Variants in SNRNP200 observed in about 807,000 individuals in gnomAD.
SNRNP200 encodes the protein U5 small nuclear ribonucleoprotein 200 kDa helicase.
In SNRNP200, 66 loss-of-function variants were observed where a neutral mutation model predicts 255.2. That is an observed-to-expected ratio of 0.26 (90% CI 0.21 to 0.32). The LOEUF is 0.32. SNRNP200 is among the 10% of genes least tolerant of loss of function. The pLI, the probability that SNRNP200 is intolerant of heterozygous loss-of-function variation, is 1.00. For synonymous variants in SNRNP200, 939 were observed against 1,027.8 expected (o/e 0.91, Z 1.65); for missense variants, 1,585 against 2,749.8 (o/e 0.58, Z 9.47).
rs767996462 is a variant in SNRNP200 at position 96,287,967 on chromosome 2, C to T, written c.3261G>A (p.Ser1087=). 9 of 1,614,134 alleles carry T rather than the reference C, an allele frequency of 5.6e-6. No individual in the cohort carries two copies. Among genetic ancestry groups the T allele is most frequent in the South Asian group, 2.2e-5 (2 of 91,078 alleles). ...ATATCGCTCGCATCAACCGGCCAGC[C>T]GACTAAGCAAAGAAGCAGCATTCCC... ...LMADMVYVTQ[S]AGRLMRAIFE... is the part of the protein sequence containing the mutation. The change falls in exon 25 of 45, where the codon TCG becomes TCA. Residue 1087 remains serine, a splice_region_variant and synonymous_variant. Transcript: ENST00000323853. The surrounding 1 kb of genome is among the most constrained non-coding windows in gnomAD (Gnocchi z 5.7).
At chr2:96,296,719 C>G in intron 12 of SNRNP200, 28 bp from the exon 13 acceptor site, 1 of 1,613,424 alleles carries the variant, frequency 6.2e-7, no homozygotes, top group Non-Finnish European at 8.5e-7. Flanking sequence ...GATGAGAACG[C>G]CTATTCACCT....
intron 14 of SNRNP200, among the ~76,000 whole-genome samples, chr2:96,294,362 C>A (rs559956097): frequency 5.9e-5 from 9 of 151,962 alleles, no homozygotes; most frequent in Non-Finnish European, 1.0e-4. Flanking sequence ...TGCTTGAACC[C>A]GGGAGGCGGA....
chr2:96,301,140 C>T (rs771962859), intron 4 of SNRNP200, 87 bp from the exon 5 acceptor site: 1 of 1,115,244 alleles, frequency 9.0e-7, no homozygotes. Context: ...CCGACTACCT[C>T]TCCTCAGGAA....
Position 96,278,617 on chromosome 2 carries a change from G to A in SNRNP200, c.5418C>T (p.Asp1806=), listed in dbSNP as rs72937669. ...GGTTCAGAGGCGCCACGTCCATCTC[G>A]TCCTCGATGCTGATGCACTTGGACT... ...LEQSKCISIE[D]EMDVAPLNLG... The change falls in exon 38 of 45, where the codon GAC becomes GAT. Residue 1806 remains aspartate, a synonymous_variant. Coordinates refer to ENST00000323853, the MANE Select transcript of SNRNP200 (RefSeq NM_014014.5). This position sits in a 1 kb window ranked among gnomAD's most constrained non-coding sequence, Gnocchi z 6.9. The A allele has an allele frequency of 6.4e-4, 1,040 of 1,614,224 alleles. 4 individuals carry two copies. In the African/African-American group the frequency reaches 9.2e-3, roughly 14 times the overall value.
chr2:96,283,456 C>T lies in SNRNP200; in HGVS notation c.4763+79G>A. The T allele has an allele frequency of 1.2e-6, 2 of 1,612,792 alleles. No homozygotes were observed. Among genetic ancestry groups the T allele is most frequent in the Non-Finnish European group, 1.7e-6 (2 of 1,179,140 alleles). Reference sequence around the variant, plus strand: ...CCCAAGCAACATGGGCTAACCCCACCCTCATAAAGAGGACACCCTTGGAGT... The same window carrying T: ...CCCAAGCAACATGGGCTAACCCCACTCTCATAAAGAGGACACCCTTGGAGT... On this transcript the variant is annotated intron_variant, in intron 33 of 44. Transcript: ENST00000323853. This position sits in a 1 kb window ranked among gnomAD's most constrained non-coding sequence, Gnocchi z 4.7.
At chr2:96,301,487 C>T (rs1188409423) in intron 4 of SNRNP200, 37 bp downstream of exon 4, 2 of 1,604,940 alleles carry the variant, frequency 1.2e-6, no homozygotes, top group Admixed American at 3.3e-5. Flanking sequence ...TCAACAACAA[C>T]CAATGAACAT....
At chr2:96,285,413 G>A (rs1043307925) in intron 29 of SNRNP200, 73 bp from the exon 30 acceptor site, 14 of 1,533,568 alleles carry the variant, frequency 9.1e-6, no homozygotes, top group Non-Finnish European at 1.2e-5. Flanking sequence ...TGGATCAATT[G>A]TCAAAACAAA....
Position 96,274,536 on chromosome 2 carries a change from A to G in SNRNP200, c.*476T>C. The G allele has an allele frequency of 4.4e-6, 1 of 226,192 alleles. No homozygotes were observed. Among genetic ancestry groups the G allele is most frequent in the South Asian group, 6.3e-5 (1 of 15,900 alleles). The allele number at this position is 226,192 out of a possible 1,614,324, so 14.0% of individuals were successfully genotyped here. ...CTGATGTGTGGGTACCACTGAGGCCAGGCCACAGTCGCATGTACCCTCCTC... is the reference window on the plus strand; with the variant it reads ...CTGATGTGTGGGTACCACTGAGGCCGGGCCACAGTCGCATGTACCCTCCTC... On this transcript the variant is annotated 3_prime_UTR_variant, in exon 45 of 45. Transcript: ENST00000323853.
Position 96,279,533 on chromosome 2 carries a change from A to T in SNRNP200, c.5051T>A (p.Val1684Glu). The part of the protein sequence containing the change: ...HAYVDYPIYD[V>E]LQMVGHANRP... ...GTTGGCGTGGCCCACCATCTGAAGC[A>T]CGTCATAGATGGGGTAATCCACATA... The change falls in exon 36 of 45, where the codon GTG becomes GAG. Residue 1684 changes from valine (V) to glutamate (E), a missense_variant. Coordinates refer to ENST00000323853, the MANE Select transcript of SNRNP200 (RefSeq NM_014014.5). 2 of 1,613,556 alleles carry T rather than the reference A, an allele frequency of 1.2e-6. No homozygotes were observed. The highest frequency in any genetic ancestry group is 1.7e-6 in the Non-Finnish European group (2 of 1,179,494).
chr2:96,282,029 T>C, intron 34 of SNRNP200, 107 bp from the exon 35 acceptor site: 1 of 808,890 alleles, frequency 1.2e-6, no homozygotes, highest in Non-Finnish European at 2.1e-6. Context: ...GTTTCAGAAC[T>C]CACAGCAAGG....
In SNRNP200 at chr2:96,305,499, G is replaced by A. The variant is rs2063982532; in HGVS notation, c.-62C>T. 1.2e-6 allele frequency: 2 copies of A among 1,604,394 alleles called. No homozygotes were observed. The highest frequency in any genetic ancestry group is 2.2e-5 in the South Asian group (2 of 90,916). On this transcript the variant is annotated 5_prime_UTR_variant, in exon 1 of 45. Transcript: ENST00000323853. ...TCCCTACCGCAAGCTGCAAACGGCCGCAGATCTCTGCTCCCGCCGCGCCGG... is the reference window on the plus strand; with the variant it reads ...TCCCTACCGCAAGCTGCAAACGGCCACAGATCTCTGCTCCCGCCGCGCCGG...
rs1021448044 is a variant in SNRNP200 at position 96,277,262 on chromosome 2, T to G, written c.5932-21A>C. 2 of 1,613,844 alleles carry G rather than the reference T, an allele frequency of 1.2e-6. No individual in the cohort carries two copies. Among genetic ancestry groups the G allele is most frequent in the Non-Finnish European group, 1.7e-6 (2 of 1,179,866 alleles). ...ACTCCCTGCAGTGAGTATTCAGACGTCAGGAAAGAGAGAACACGGGCCAAC... is the reference window on the plus strand; with the variant it reads ...ACTCCCTGCAGTGAGTATTCAGACGGCAGGAAAGAGAGAACACGGGCCAAC... On this transcript the variant is annotated intron_variant, in intron 41 of 44. Coordinates refer to ENST00000323853, the MANE Select transcript of SNRNP200 (RefSeq NM_014014.5). The surrounding 1 kb of genome is among the most constrained non-coding windows in gnomAD (Gnocchi z 4.4).
intron 35 of SNRNP200, 194 bp from the exon 36 acceptor site, chr2:96,279,753 T>G: frequency 1.7e-6 from 1 of 602,662 alleles, no homozygotes; most frequent in South Asian, 1.7e-5. Flanking sequence ...CATTTTAGTA[T>G]TCAGTGTAAG....
Position 96,287,203 on chromosome 2 carries a change from T to G in SNRNP200, c.3485-43A>C, listed in dbSNP as rs980828551. 3.7e-6 allele frequency: 6 copies of G among 1,612,326 alleles called. No homozygotes were observed. The highest frequency in any genetic ancestry group is 5.1e-6 in the Non-Finnish European group (6 of 1,178,578). ...TACTGAGGCTGCAGCCCAGCCTGCC[T>G]ACTATACTGCAAACTGGGCCTGAGG... On this transcript the variant is annotated intron_variant, in intron 26 of 44. Coordinates refer to ENST00000323853, the MANE Select transcript of SNRNP200 (RefSeq NM_014014.5). This position sits in a 1 kb window ranked among gnomAD's most constrained non-coding sequence, Gnocchi z 5.7.
intron 13 of SNRNP200, 109 bp downstream of exon 13, chr2:96,296,427 G>GA (rs2063916838): frequency 9.3e-7 from 1 of 1,073,624 alleles, no homozygotes; most frequent in African/African-American, 1.6e-5. Flanking sequence ...ACAATCCCAG[G>GA]AGGCATGCCA....
At position 96,283,250 on chromosome 2, in the gene SNRNP200, C is replaced by T; in HGVS notation, c.4866G>A (p.Glu1622=). The T allele has an allele frequency of 6.2e-7, 1 of 1,614,180 alleles. No individual in the cohort carries two copies. Residue 1622 remains glutamate, a synonymous_variant, in exon 34 of 45, where the codon GAG becomes GAA. Transcript: ENST00000323853. The surrounding 1 kb of genome is among the most constrained non-coding windows in gnomAD (Gnocchi z 4.7). The part of the protein sequence containing the change: ...TLLNGVGYLH[E]GLSPMERRLV... ...GGCGTCGCTCCATGGGGCTGAGCCC[C>T]TCATGCAGGTAGCCCACCCCATTTA...
In SNRNP200 at chr2:96,301,688, T is replaced by C. The variant is rs746885487; in HGVS notation, c.410A>G (p.Asp137Gly). ...QPRDILCGAADEVLAVLKNEK... is the reference protein window; with the variant it reads ...QPRDILCGAAGEVLAVLKNEK... The stretch of plus-strand genomic sequence containing the variant: ...ATTCTTTAGAACAGCTAGAACTTCA[T>C]CAGCTGCCCCACAAAGGATATCACG... The change falls in exon 4 of 45, where the codon GAT (aspartate) becomes GGT (glycine). Residue 137 changes from aspartate (D) to glycine (G), a missense_variant. Physicochemically the swap from Asp to Gly is moderately conservative, Grantham distance 94. Around this residue, in one of 9 missense-constraint regions of SNRNP200, gnomAD observed 383 missense variants for 645.3 expected, o/e 0.59. Transcript: ENST00000323853. The C allele has an allele frequency of 6.2e-7, 1 of 1,614,164 alleles. No homozygotes were observed. Among genetic ancestry groups the C allele is most frequent in the Non-Finnish European group, 8.5e-7 (1 of 1,180,026 alleles).
In SNRNP200 at chr2:96,277,255, TCAGA is replaced by T. The variant is rs771546536; in HGVS notation, c.5932-18_5932-15del. ...ACTCTCCACTCCCTGCAGTGAGTAT[TCAGA>T]CGTCAGGAAAGAGAGAACACGGGCC... On this transcript the variant is annotated splice_polypyrimidine_tract_variant and intron_variant, in intron 41 of 44. Transcript: ENST00000323853. This position sits in a 1 kb window ranked among gnomAD's most constrained non-coding sequence, Gnocchi z 4.4. The T allele has an allele frequency of 8.7e-6, 14 of 1,613,948 alleles. No individual in the cohort carries two copies. In the South Asian group the frequency reaches 1.5e-4, roughly 18 times the overall value.
intron 43 of SNRNP200, 21 bp from the exon 44 acceptor site, chr2:96,275,370 G>C (rs751455433): frequency 3.7e-6 from 6 of 1,608,128 alleles, no homozygotes; most frequent in Non-Finnish European, 8.5e-7. Flanking sequence ...CCAAAACCAA[G>C]AATTTCAGCA....
Sources: gnomAD v4.1 joint callset for allele counts (sites outside exome capture counted in the v4.1 genomes callset) on GRCh38, gnomAD v4.1.1 for gene constraint, gnomAD v4.1.1 regional missense constraint, Gnocchi (gnomAD v3.1) non-coding constraint, MANE v1.5 for transcripts, NCBI Gene and HGNC (gene_info 2026-07-23, HGNC 2026-07-21) for gene names.